SLC16A4: variants seen among roughly 807,000 people sequenced by gnomAD.
SLC16A4 encodes solute carrier family 16 member 4.
Under a neutral mutation model 47.9 loss-of-function variants are expected in SLC16A4, and 39 were observed. That is an observed-to-expected ratio of 0.81 (90% CI 0.63 to 1.06). The LOEUF is 1.06. SLC16A4 is among the 50% of genes least tolerant of loss of function. The pLI is 0.00. For missense variants in SLC16A4, 524 were observed against 573.8 expected, an observed-to-expected ratio of 0.91 and a Z score of 0.89; for synonymous variants, 189 against 199.9, an observed-to-expected ratio of 0.95 and a Z score of 0.46.
chr1:110,376,431 A>G (rs867753249), intron 7 of SLC16A4, among the ~76,000 whole-genome samples: 7 of 152,298 alleles, frequency 4.6e-5, no homozygotes, highest in Middle Eastern at 3.4e-3. Context: ...AAGTGTTTGT[A>G]TAAGTATTTT....
At chr1:110,386,797 A>G (rs1662759256) in intron 2 of SLC16A4, among the ~76,000 whole-genome samples, 1 of 152,204 alleles carries the variant, frequency 6.6e-6, no homozygotes, top group Non-Finnish European at 1.5e-5. Flanking sequence ...AAAATGGTCT[A>G]TTAGGTATCT....
rs1470305281 is a variant in SLC16A4, at chr1:110,377,030, T to C, written c.1162A>G (p.Thr388Ala). The C allele has an allele frequency of 1.2e-6, 2 of 1,613,760 alleles. No individual in the cohort carries two copies. The highest frequency in any genetic ancestry group is 2.2e-5 in the East Asian group (1 of 44,862). The change falls in exon 7 of 9, where the codon ACA (threonine) becomes GCA (alanine). Residue 388 changes from threonine (T) to alanine (A), a missense_variant. Thr to Ala is a moderately conservative substitution (Grantham distance 58). Transcript: ENST00000369779. ...ITNLLAPLATTFPLLMTYTIC... is the reference protein window; with the variant it reads ...ITNLLAPLATAFPLLMTYTIC... ...GTGTAGGTCATAAGTAGTGGAAATG[T>C]GGTGGCTAAAGGAGCAAGCAGGTTA... is the stretch of plus-strand genomic sequence containing the variant.
intron 8 of SLC16A4, 170 bp from the exon 9 acceptor site, chr1:110,364,063 G>A (rs1661230303): frequency 5.6e-6 from 3 of 536,048 alleles, no homozygotes; most frequent in Non-Finnish European, 9.1e-6. Context: ...AGCTCCACCT[G>A]AGTTAGGGAC....
At chr1:110,368,117 T>C (rs556863399) in intron 8 of SLC16A4, among the ~76,000 whole-genome samples, 1 of 152,326 alleles carries the variant, frequency 6.6e-6, no homozygotes, top group African/African-American at 2.4e-5. Flanking sequence ...CGTGAGCCAC[T>C]GCGCCCAGCC....
At chr1:110,383,807 T>G (rs1474180391) in intron 2 of SLC16A4, among the ~76,000 whole-genome samples, 12 of 21,980 alleles carry the variant, frequency 5.5e-4, no homozygotes, top group South Asian at 2.2e-3. Context: ...AAAAGGAGGT[T>G]TTTTTTTTTT....
intron 3 of SLC16A4, among the ~76,000 whole-genome samples, 171 bp downstream of exon 3, chr1:110,382,663 C>A (rs901743055): frequency 6.6e-6 from 1 of 152,138 alleles, no homozygotes; most frequent in African/African-American, 2.4e-5. Flanking sequence ...AACTTTGTTA[C>A]TAAGTCAAGT....
chr1:110,389,476 G>T, intron 1 of SLC16A4, 121 bp from the exon 2 acceptor site: 1 of 663,438 alleles, frequency 1.5e-6, no homozygotes, highest in Non-Finnish European at 2.6e-6. Flanking sequence ...TTCAGCCACT[G>T]TGCAACGCAG....
intron 8 of SLC16A4, among the ~76,000 whole-genome samples, chr1:110,373,585 G>C (rs12062656): frequency 0.12 from 17,725 of 151,912 alleles, 1,362 homozygotes; most frequent in African/African-American, 0.2. Context: ...AAATAAGAGA[G>C]TTGGTTGCAT....
At chr1:110,380,522 A>G (rs1662312577) in intron 5 of SLC16A4, among the ~76,000 whole-genome samples, 1 of 149,676 alleles carries the variant, frequency 6.7e-6, no homozygotes, top group African/African-American at 2.5e-5. Flanking sequence ...TTACCAAAGT[A>G]TTTGTTTCTT....
At position 110,362,959 on chromosome 1, in the gene SLC16A4, CTAAG is replaced by C. The variant is rs1219666938; in HGVS notation, c.*803_*806del. The C allele has an allele frequency of 6.6e-6, 1 of 151,918 alleles. No individual in the cohort carries two copies. The highest frequency in any genetic ancestry group is 1.5e-5 in the Non-Finnish European group (1 of 67,968). 9.4% of individuals were successfully genotyped at this position (151,918 alleles called of 1,614,324 possible). ...GTAAGGATTACCTTTAATTAAGAAC[CTAAG>C]TAATACAAAGAAAGTAAGGATTACC... On this transcript the variant is annotated 3_prime_UTR_variant, in exon 9 of 9. Transcript: ENST00000369779.
chr1:110,368,107 C>T (rs971177862), intron 8 of SLC16A4, among the ~76,000 whole-genome samples: 1 of 152,172 alleles, frequency 6.6e-6, no homozygotes, highest in East Asian at 1.9e-4. Context: ...GGATTACAGG[C>T]GTGAGCCACT....
At chr1:110,382,132 G>C (rs1662435408) in intron 3 of SLC16A4, among the ~76,000 whole-genome samples, 1 of 152,148 alleles carries the variant, frequency 6.6e-6, no homozygotes, top group South Asian at 2.1e-4. Context: ...CTTCCACCCT[G>C]TTACAGCTCC....
rs1245112199 is a variant in SLC16A4, at chr1:110,375,529, G to A, written c.1265C>T (p.Thr422Ile). Reference protein sequence around the residue: ...PVLVDLCRNSTVNRFLGLASF... With the variant: ...PVLVDLCRNSIVNRFLGLASF... ...GGCAAGTCCCAAAAACCTGTTTACT[G>A]TAGAATTCCTACACAGATCAACCTG... The change falls in exon 8 of 9, where the codon ACA (threonine) becomes ATA (isoleucine). Residue 422 changes from threonine to isoleucine, a missense_variant. Coordinates refer to ENST00000369779, the MANE Select transcript of SLC16A4 (RefSeq NM_004696.3). 10 of 1,609,788 alleles carry A rather than the reference G, an allele frequency of 6.2e-6. No individual in the cohort carries two copies. Among genetic ancestry groups the A allele is most frequent in the South Asian group, 1.1e-5 (1 of 90,998 alleles).
chr1:110,385,720 C>T (rs972808369), intron 2 of SLC16A4, among the ~76,000 whole-genome samples: 2 of 152,158 alleles, frequency 1.3e-5, no homozygotes, highest in African/African-American at 4.8e-5. Context: ...GAAGAAGTCT[C>T]TTAATATACT....
rs1196760456 is a variant in SLC16A4, at chr1:110,369,842, T to G, written c.1336+5616A>C. ...CTTTGGGTGTATTGTGCAAATATTT[T>G]CTATATGTGCCATGATCGGAAAAAT... is the stretch of plus-strand genomic sequence containing the variant. On this transcript the variant is annotated intron_variant, in intron 8 of 8. Coordinates refer to ENST00000369779, the MANE Select transcript of SLC16A4 (RefSeq NM_004696.3). 2.0e-5 allele frequency among the ~76,000 whole-genome samples: 3 copies of G among 152,230 alleles called. No individual in the cohort carries two copies. The East Asian group carries it at 5.8e-4, about 29-fold the overall frequency.
At position 110,379,099 on chromosome 1, in the gene SLC16A4, A is replaced by G. The variant is rs1662200400; in HGVS notation, c.784T>C (p.Phe262Leu). 6.2e-7 allele frequency: 1 copy of G among 1,613,932 alleles called. No homozygotes were observed. The highest frequency in any genetic ancestry group is 1.3e-5 in the African/African-American group (1 of 74,844). ...LTVSQNQSEE[F>L]YNGPNRNRLL... ...CTGTTCCTGTTAGGCCCATTGTAGA[A>G]CTCTTCACTTTGATTTTGTGAGACT... The change falls in exon 6 of 9, where the codon TTC (phenylalanine) becomes CTC (leucine). Residue 262 changes from phenylalanine (F) to leucine (L), a missense_variant. Phe to Leu is a conservative substitution (Grantham distance 22). Transcript: ENST00000369779.
chr1:110,377,282 G>T (rs1233238465), intron 6 of SLC16A4, 121 bp from the exon 7 acceptor site: 17 of 721,688 alleles, frequency 2.4e-5, no homozygotes, highest in Non-Finnish European at 3.9e-5. Context: ...GGAAAAAAAT[G>T]ATTTGATTTG....
At chr1:110,390,008 C>T (rs1299053784) in intron 1 of SLC16A4, among the ~76,000 whole-genome samples, 1 of 152,168 alleles carries the variant, frequency 6.6e-6, no homozygotes, top group East Asian at 1.9e-4. Flanking sequence ...GCCTTTGTAA[C>T]AAACCTACAC....
chr1:110,381,281 A>G (rs753503496), intron 4 of SLC16A4, 138 bp from the exon 5 acceptor site: 5 of 664,786 alleles, frequency 7.5e-6, no homozygotes, highest in African/African-American at 3.6e-5. Context: ...GTCCTGTTCC[A>G]TCTTCTATCT....
Sources: allele counts gnomAD v4.1 joint callset (sites outside exome capture counted in the v4.1 genomes callset), GRCh38; gene constraint gnomAD v4.1.1; transcripts MANE v1.5; gene names NCBI Gene and HGNC (gene_info 2026-07-23, HGNC 2026-07-21).